Variants in ATP2B2 observed in about 807,000 individuals in gnomAD.
ATP2B2 encodes ATPase plasma membrane Ca2+ transporting 2.
A neutral mutation model predicts 120.0 loss-of-function variants in ATP2B2; 15 were observed. The observed-to-expected ratio is 0.12, with a 90% CI of 0.08 to 0.19. The LOEUF is 0.19. ATP2B2 is among the 10% of genes least tolerant of loss of function. The pLI, the probability that ATP2B2 is intolerant of heterozygous loss-of-function variation, is 1.00. For missense variants in ATP2B2, 1,045 were observed against 1,719.8 expected (o/e 0.61, Z 6.94); for synonymous variants, 694 against 700.3 (o/e 0.99, Z 0.14).
chr3:10,414,961 C>A (rs1199229385), intron 2 of ATP2B2, among the ~76,000 whole-genome samples: 9 of 152,262 alleles, frequency 5.9e-5, no homozygotes, highest in African/African-American at 2.4e-5. Flanking sequence ...AAGGTGGGAA[C>A]CCTGGGCACT....
At chr3:10,427,694 C>T (rs2063187120) in intron 2 of ATP2B2, among the ~76,000 whole-genome samples, 1 of 152,220 alleles carries the variant, frequency 6.6e-6, no homozygotes, top group African/African-American at 2.4e-5. Context: ...CAATTAATTC[C>T]AATCGATGGC....
intron 1 of ATP2B2, among the ~76,000 whole-genome samples, chr3:10,653,228 C>T (rs1427729010): frequency 6.6e-6 from 1 of 152,182 alleles, no homozygotes; most frequent in Non-Finnish European, 1.5e-5. Flanking sequence ...GTGTGGCATG[C>T]TCACCAGGCC....
chr3:10,395,034 C>T (rs2061989635), intron 5 of ATP2B2, among the ~76,000 whole-genome samples: 1 of 152,188 alleles, frequency 6.6e-6, no homozygotes, highest in South Asian at 2.1e-4. Context: ...TGGGGCCTTA[C>T]ACTTCTGCTC....
At position 10,680,480 on chromosome 3, in the gene ATP2B2, T is replaced by C. The variant is rs139639173; in HGVS notation, c.-460+27435A>G. Among the ~76,000 whole-genome samples, 4 of 152,244 alleles carry C rather than the reference T, an allele frequency of 2.6e-5. No homozygotes were observed. In the East Asian group the frequency reaches 7.7e-4, roughly 29 times the overall value. Reference sequence around the variant, plus strand: ...CAGACTTTGCTGGGATGTGTGGTGGTGCATGTCAGCTCTGGTCCTCACCAG... The same window carrying C: ...CAGACTTTGCTGGGATGTGTGGTGGCGCATGTCAGCTCTGGTCCTCACCAG... On this transcript the variant is annotated intron_variant, in intron 1 of 21. Coordinates refer to the ATP2B2 transcript ENST00000646379.
At chr3:10,595,399 T>C (rs991547247) in intron 2 of ATP2B2, among the ~76,000 whole-genome samples, 106 of 152,248 alleles carry the variant, frequency 7.0e-4, no homozygotes, top group African/African-American at 2.5e-3. Context: ...TGAAGAGTTC[T>C]CAGTGGAATA....
chr3:10,343,393 C>T lies in ATP2B2; in HGVS notation c.2704-428G>A, dbSNP rs545418451. On this transcript the variant is annotated intron_variant, in intron 18 of 22. Coordinates refer to ENST00000360273, the MANE Select transcript of ATP2B2 (RefSeq NM_001001331.4). The surrounding 1 kb of genome is among the most constrained non-coding windows in gnomAD (Gnocchi z 4.2). Reference sequence around the variant, plus strand: ...GGCTTTCTATCCTACAAACAGTGCCCGTCCCCCACCCCCCCAATGTCTCCT... The same window carrying T: ...GGCTTTCTATCCTACAAACAGTGCCTGTCCCCCACCCCCCCAATGTCTCCT... Among the ~76,000 whole-genome samples, 5 of 151,306 alleles carry T rather than the reference C, an allele frequency of 3.3e-5. No homozygotes were observed. Among genetic ancestry groups the T allele is most frequent in the South Asian group, 4.2e-4 (2 of 4,760 alleles).
At chr3:10,359,381 G>A (rs1174151736) in intron 13 of ATP2B2, among the ~76,000 whole-genome samples, 3 of 152,130 alleles carry the variant, frequency 2.0e-5, no homozygotes, top group Non-Finnish European at 4.4e-5. Context: ...CCAGGGCTGA[G>A]AACCACTGGG....
intron 1 of ATP2B2, among the ~76,000 whole-genome samples, chr3:10,488,240 T>C (rs938151717): frequency 9.8e-6 from 1 of 101,714 alleles, no homozygotes; most frequent in African/African-American, 4.4e-5. Flanking sequence ...CACCTATCCA[T>C]CCATCCATCC....
intron 22 of ATP2B2, 81 bp downstream of exon 22, chr3:10,338,095 G>A (rs1182189322): frequency 3.8e-6 from 6 of 1,583,516 alleles, no homozygotes; most frequent in African/African-American, 1.3e-5. Flanking sequence ...TGGGCCCTGG[G>A]GGGCAGCACA....
chr3:10,489,320 C>G (rs148916231), intron 1 of ATP2B2, among the ~76,000 whole-genome samples: 222 of 152,340 alleles, frequency 1.5e-3, no homozygotes, highest in Non-Finnish European at 2.5e-3. Context: ...GGGCAGTGAA[C>G]AGATCTGTTG....
chr3:10,333,024 T>A (rs2060022622), intron 22 of ATP2B2, among the ~76,000 whole-genome samples: 1 of 152,210 alleles, frequency 6.6e-6, no homozygotes, highest in Non-Finnish European at 1.5e-5. Context: ...GCCTTGTGAC[T>A]GCGGTCAGGC....
At chr3:10,696,959 G>T (rs2071750550) in intron 1 of ATP2B2, among the ~76,000 whole-genome samples, 2 of 152,158 alleles carry the variant, frequency 1.3e-5, no homozygotes, top group Admixed American at 6.5e-5. Context: ...AAATTTTTAT[G>T]ATATGCTTGG....
At chr3:10,366,855 T>C (rs2125483013) in intron 12 of ATP2B2, among the ~76,000 whole-genome samples, 1 of 152,360 alleles carries the variant, frequency 6.6e-6, no homozygotes, top group South Asian at 2.1e-4. Flanking sequence ...CCAGGGTTTC[T>C]GAGGCAGGGA....
At chr3:10,426,230 C>T (rs868458603) in intron 2 of ATP2B2, among the ~76,000 whole-genome samples, 59 of 152,170 alleles carry the variant, frequency 3.9e-4, no homozygotes, top group African/African-American at 1.3e-3. Flanking sequence ...CTGAAAATCC[C>T]TTTCCTTTTA....
chr3:10,678,980 T>G (rs1303742691), intron 1 of ATP2B2, among the ~76,000 whole-genome samples: 1 of 152,178 alleles, frequency 6.6e-6, no homozygotes, highest in East Asian at 1.9e-4. Context: ...TAGGTGGGCC[T>G]GACTTAATCA....
chr3:10,438,664 G>A (rs957658631), intron 2 of ATP2B2, among the ~76,000 whole-genome samples: 1 of 152,182 alleles, frequency 6.6e-6, no homozygotes, highest in Non-Finnish European at 1.5e-5. Context: ...ATCGTTGTGG[G>A]GTGAGGAGGG....
At chr3:10,604,398 C>T (rs1243958769) in intron 2 of ATP2B2, among the ~76,000 whole-genome samples, 1 of 152,198 alleles carries the variant, frequency 6.6e-6, no homozygotes, top group Non-Finnish European at 1.5e-5. Flanking sequence ...ACAGTCTCCC[C>T]TAACCTTCCG....
intron 3 of ATP2B2, among the ~76,000 whole-genome samples, chr3:10,523,006 G>A (rs907847454): frequency 6.6e-6 from 1 of 152,248 alleles, no homozygotes; most frequent in South Asian, 2.1e-4. Context: ...GCTGATAGAT[G>A]CACTGGACTC....
intron 1 of ATP2B2, among the ~76,000 whole-genome samples, chr3:10,488,553 T>G (rs2125354360): frequency 6.6e-6 from 1 of 151,812 alleles, no homozygotes; most frequent in African/African-American, 2.4e-5. Context: ...CTTCCTTTCC[T>G]TCCTTCCTTC....
Sources: gnomAD v4.1 joint callset for allele counts (sites outside exome capture counted in the v4.1 genomes callset) on GRCh38, gnomAD v4.1.1 for gene constraint, Gnocchi (gnomAD v3.1) non-coding constraint, MANE v1.5 for transcripts, NCBI Gene and HGNC (gene_info 2026-07-23, HGNC 2026-07-21) for gene names.